MTAP: variants seen among roughly 807,000 people sequenced by gnomAD.
The protein encoded by MTAP is methylthioadenosine phosphorylase.
In MTAP, 33 loss-of-function variants were observed where a neutral mutation model predicts 33.6. That is an observed-to-expected ratio of 0.98 (90% CI 0.74 to 1.31). MTAP has a LOEUF of 1.31. MTAP is among the 40% of genes most tolerant of loss of function. MTAP has a pLI of 0.00. For missense variants in MTAP, 367 were observed against 360.0 expected, an observed-to-expected ratio of 1.02 and a Z score of -0.16; for synonymous variants, 148 against 125.7, an observed-to-expected ratio of 1.18 and a Z score of -1.19.
chr9:21,939,902 C>T (rs116291870), downstream of MTAP, among the ~76,000 whole-genome samples: 2,144 of 152,052 alleles, frequency 0.014, 61 homozygotes, highest in African/African-American at 0.049. Context: ...AGAATATATT[C>T]TTCCTATAAC....
chr9:21,872,542 A>C (rs768476555), intron 1 of MTAP, among the ~76,000 whole-genome samples: 3 of 152,216 alleles, frequency 2.0e-5, no homozygotes, highest in Non-Finnish European at 2.9e-5. Context: ...ACTGTCACTC[A>C]TCAGTGTTAT....
intron 4 of MTAP, among the ~76,000 whole-genome samples, chr9:21,834,804 A>G (rs1554643733): frequency 2.0e-5 from 3 of 152,186 alleles, no homozygotes; most frequent in Non-Finnish European, 4.4e-5. Context: ...TAATATATTC[A>G]TAGGTTCTAA....
At position 21,815,461 on chromosome 9, in the gene MTAP, A is replaced by T. The variant is rs770122867; in HGVS notation, c.62A>T (p.Asp21Val). The change falls in exon 2 of 8, where the codon GAT becomes GTT. Residue 21 changes from aspartate to valine, a missense_variant. Physicochemically the swap from Asp to Val is radical, Grantham distance 152. Coordinates refer to ENST00000644715, the MANE Select transcript of MTAP (RefSeq NM_002451.4). ...GGAATAATTGGTGGAACAGGCCTGG[A>T]TGATCCAGAAATTTTAGAAGGAAGA... ...KIGIIGGTGL[D>V]DPEILEGRTE... 4.3e-6 allele frequency: 7 copies of T among 1,611,382 alleles called. No homozygotes were observed. The South Asian group carries it at 6.6e-5, about 15-fold the overall frequency.
At position 21,865,037 on chromosome 9, in the gene MTAP, TGAG is replaced by T. The variant is rs1304527424; in HGVS notation, c.*3027_*3029del. ...TCTGATGGGTTAGGAAGTCACGAAA[TGAG>T]GAGTTCTTGCCACATTTGCAGAGTC... On this transcript the variant is annotated 3_prime_UTR_variant, in exon 8 of 8. Transcript: ENST00000644715. The T allele has an allele frequency of 7.1e-6, 7 of 985,466 alleles. No individual in the cohort carries two copies. The highest frequency in any genetic ancestry group is 2.3e-4 in the East Asian group (2 of 8,812). 61.0% of individuals were successfully genotyped at this position (985,466 alleles called of 1,614,324 possible).
chr9:21,827,795 A>G (rs1824860405), intron 4 of MTAP, among the ~76,000 whole-genome samples: 1 of 152,214 alleles, frequency 6.6e-6, no homozygotes, highest in African/African-American at 2.4e-5. Context: ...AGACATCTTG[A>G]TCAAAATCTC....
chr9:21,824,068 C>T (rs1587214331), intron 4 of MTAP, among the ~76,000 whole-genome samples: 1 of 152,186 alleles, frequency 6.6e-6, no homozygotes, highest in East Asian at 1.9e-4. Flanking sequence ...TTCTTTAGCT[C>T]AGAGAAGTTT....
At chr9:21,900,354 C>T (rs1035942708) in intron 1 of MTAP, among the ~76,000 whole-genome samples, 6 of 151,930 alleles carry the variant, frequency 3.9e-5, no homozygotes, top group East Asian at 1.9e-4. Context: ...AATGGGCAAA[C>T]GAAATGAACA....
rs564943870 is a variant in MTAP at position 21,865,484 on chromosome 9, A to G, written c.*3470A>G. On this transcript the variant is annotated 3_prime_UTR_variant, in exon 8 of 8. Transcript: ENST00000644715. ...AAGATTGTTGCACCTTGGAACTACC[A>G]GTGTGCACACAATCTGGCTCAATGT... is the stretch of plus-strand genomic sequence containing the variant. 47 of 985,548 alleles carry G rather than the reference A, an allele frequency of 4.8e-5. No homozygotes were observed. In the African/African-American group the frequency reaches 7.7e-4, roughly 16 times the overall value. 61.1% of individuals were successfully genotyped at this position (985,548 alleles called of 1,614,324 possible). A position where few individuals can be genotyped will look rare whatever the true frequency, so the allele number is the denominator to read the frequency against.
At chr9:21,838,093 G>A (rs752960637) in intron 5 of MTAP, 83 bp downstream of exon 5, 13 of 1,116,232 alleles carry the variant, frequency 1.2e-5, no homozygotes, top group Non-Finnish European at 1.6e-5. Flanking sequence ...TTGGCAGAGC[G>A]AGTGGCCCCA....
chr9:21,888,302 T>A (rs1449890370), intron 1 of MTAP, among the ~76,000 whole-genome samples: 1 of 152,204 alleles, frequency 6.6e-6, no homozygotes, highest in African/African-American at 2.4e-5. Context: ...TCTACAGTTA[T>A]TGGGTAGAAT....
At chr9:21,810,431 A>AAGAT (rs113491207) in intron 1 of MTAP, among the ~76,000 whole-genome samples, 71 of 151,944 alleles carry the variant, frequency 4.7e-4, no homozygotes, top group African/African-American at 1.7e-3. Flanking sequence ...GGAAACAAAA[A>AAGAT]AGAGACAAAC....
intron 2 of MTAP, chr9:21,815,735 G>A (rs1305905387): frequency 3.8e-6 from 2 of 524,862 alleles, no homozygotes; most frequent in South Asian, 2.3e-5. Context: ...TGAGAAAATG[G>A]CTACTTAGTA....
At chr9:21,935,270 G>A (rs1819023773), downstream of MTAP, 1 of 151,988 alleles carries the variant, frequency 6.6e-6, no homozygotes, top group African/African-American at 2.4e-5. Flanking sequence ...TTTAATACGG[G>A]TACTTAAAAT....
intron 1 of MTAP, among the ~76,000 whole-genome samples, chr9:21,906,269 G>A (rs1818475185): frequency 6.6e-6 from 1 of 151,766 alleles, no homozygotes; most frequent in Non-Finnish European, 1.5e-5. Flanking sequence ...ATGAAAACGG[G>A]ATAAAAGAAA....
chr9:21,878,106 A>G (rs1421422579), intron 1 of MTAP, among the ~76,000 whole-genome samples: 1 of 152,008 alleles, frequency 6.6e-6, no homozygotes, highest in Non-Finnish European at 1.5e-5. Flanking sequence ...TTTCCAGGAA[A>G]TTATCCATTT....
chr9:21,826,517 A>G (rs10121449), intron 4 of MTAP, among the ~76,000 whole-genome samples: 52,179 of 151,378 alleles, frequency 0.34, 9,795 homozygotes, highest in East Asian at 0.44. Context: ...CTTGGCAAGG[A>G]TCCTTCCTTC....
intron 4 of MTAP, among the ~76,000 whole-genome samples, chr9:21,826,534 C>G (rs187033435): frequency 2.6e-5 from 4 of 151,796 alleles, no homozygotes; most frequent in Admixed American, 2.0e-4. Context: ...CTTCTGCATC[C>G]TGTCGGAAGG....
chr9:21,807,621 A>G (rs1325929723), intron 1 of MTAP, among the ~76,000 whole-genome samples: 1 of 152,150 alleles, frequency 6.6e-6, no homozygotes, highest in African/African-American at 2.4e-5. Context: ...AGATACCCCC[A>G]GGAGAGCTGT....
At chr9:21,850,201 A>G (rs888784525) in intron 5 of MTAP, among the ~76,000 whole-genome samples, 6 of 152,200 alleles carry the variant, frequency 3.9e-5, no homozygotes, top group Non-Finnish European at 8.8e-5. Context: ...AATAAATCTG[A>G]CTAAAATTCA....
Sources: allele counts gnomAD v4.1 joint callset (sites outside exome capture counted in the v4.1 genomes callset), GRCh38; gene constraint gnomAD v4.1.1; transcripts MANE v1.5; gene names NCBI Gene and HGNC (gene_info 2026-07-23, HGNC 2026-07-21).